The following RORA variants were observed in gnomAD, a reference collection of about 807,000 sequenced individuals.
RORA encodes nuclear receptor ROR-alpha.
RORA carries 7 observed loss-of-function variants against 69.5 expected under a neutral mutation model. The ratio of observed to expected loss-of-function variants is 0.10; its 90% CI spans 0.06 to 0.19. The LOEUF (loss-of-function observed/expected upper bound fraction) is 0.19. Ranked by LOEUF, RORA falls within the 10% of genes least tolerant of loss-of-function variation. RORA has a pLI of 1.00. For synonymous variants in RORA, 261 were observed against 240.8 expected (o/e 1.08, Z -0.78); for missense variants, 457 against 663.0 (o/e 0.69, Z 3.41).
chr15:60,785,028 G>C (rs2072316421), intron 1 of RORA, among the ~76,000 whole-genome samples: 2 of 152,204 alleles, frequency 1.3e-5, no homozygotes, highest in South Asian at 4.1e-4. Flanking sequence ...TCCAGAGGCA[G>C]CTGTCAGCAT....
intron 1 of RORA, among the ~76,000 whole-genome samples, chr15:60,710,967 A>T (rs1438909493): frequency 6.6e-6 from 1 of 152,172 alleles, no homozygotes; most frequent in Non-Finnish European, 1.5e-5. Flanking sequence ...AGGTGGGCAG[A>T]CAAGGCAATG....
At chr15:60,671,615 C>CT (rs550729879) in intron 2 of RORA, among the ~76,000 whole-genome samples, 4 of 151,362 alleles carry the variant, frequency 2.6e-5, no homozygotes, top group Admixed American at 2.0e-4. Context: ...CTGTCTCTCT[C>CT]TTTTTTTTCT....
In RORA at chr15:60,717,769, ATCT is replaced by A. The variant is rs1370344383; in HGVS notation, c.167-39086_167-39084del. Among the ~76,000 whole-genome samples the A allele has an allele frequency of 2.0e-5, 3 of 147,146 alleles. No homozygotes were observed. In the East Asian group the frequency reaches 6.1e-4, roughly 30 times the overall value. On this transcript the variant is annotated intron_variant, in intron 1 of 10. Transcript: ENST00000335670. ...CTGGATAATTGATTAATAAGGTCAC[ATCT>A]TCTTCTTTCTTTTTTCTTTTTCTCT...
chr15:60,898,523 A>AAC (rs1891294221), intron 1 of RORA, among the ~76,000 whole-genome samples: 10 of 131,038 alleles, frequency 7.6e-5, no homozygotes, highest in Admixed American at 3.0e-4. Context: ...AAATAAATAA[A>AAC]TAAATAAATA....
chr15:60,993,644 CAAAAAAAAAA>C (rs3053932), intron 1 of RORA, among the ~76,000 whole-genome samples: 3 of 83,076 alleles, frequency 3.6e-5, no homozygotes, highest in South Asian at 5.4e-4. Context: ...CTCTCCATCT[CAAAAAAAAAA>C]AAAAAAAAAA....
intron 1 of RORA, among the ~76,000 whole-genome samples, chr15:60,783,956 T>A (rs1053650056): frequency 6.6e-6 from 1 of 152,176 alleles, no homozygotes; most frequent in Non-Finnish European, 1.5e-5. Context: ...CCACAATTAG[T>A]TTAACACAAT....
intron 1 of RORA, among the ~76,000 whole-genome samples, chr15:60,910,472 G>A (rs896186807): frequency 1.3e-5 from 2 of 152,200 alleles, no homozygotes; most frequent in African/African-American, 4.8e-5. Context: ...AAATAGAGTA[G>A]AGCATTTTAA....
rs149681233 is a variant in RORA at position 61,025,002 on chromosome 15, T to C, written c.166+204051A>G. 6.4e-3 allele frequency among the ~76,000 whole-genome samples: 976 copies of C among 152,350 alleles called. 20 individuals are homozygous for C. Among genetic ancestry groups the C allele is most frequent in the East Asian group, 0.026 (136 of 5,188 alleles). ...GTTTTGCTTTGGTTTTTGTATTTCA[T>C]GGTTGGGAGCAAGGCAAAAGTGCCC... On this transcript the variant is annotated intron_variant, in intron 1 of 10. Transcript: ENST00000335670.
At chr15:61,014,021 G>A (rs1166847343) in intron 1 of RORA, among the ~76,000 whole-genome samples, 1 of 152,044 alleles carries the variant, frequency 6.6e-6, no homozygotes, top group African/African-American at 2.4e-5. Context: ...CTGACATTGT[G>A]ATCTGCCCGC....
At chr15:60,630,292 A>C (rs1434297958) in intron 2 of RORA, among the ~76,000 whole-genome samples, 2 of 152,386 alleles carry the variant, frequency 1.3e-5, no homozygotes, top group South Asian at 2.1e-4. Context: ...GTCTAGAACT[A>C]GCCCAGTGGG....
chr15:61,023,950 A>C (rs1895668911), intron 1 of RORA, among the ~76,000 whole-genome samples: 1 of 152,180 alleles, frequency 6.6e-6, no homozygotes, highest in African/African-American at 2.4e-5. Context: ...TACTTTGATC[A>C]ACCCCAATTT....
chr15:60,729,415 T>C (rs888908205), intron 1 of RORA, among the ~76,000 whole-genome samples: 3 of 152,082 alleles, frequency 2.0e-5, no homozygotes, highest in African/African-American at 7.2e-5. Context: ...GACAACAGAG[T>C]CAGGAGTCCT....
At chr15:61,077,945 C>T (rs1318858856) in intron 1 of RORA, among the ~76,000 whole-genome samples, 1 of 152,120 alleles carries the variant, frequency 6.6e-6, no homozygotes, top group African/African-American at 2.4e-5. Flanking sequence ...TTCTGTTCTC[C>T]GCATAGTGGC....
At chr15:60,591,720 G>A (rs538325734) in intron 2 of RORA, among the ~76,000 whole-genome samples, 73 of 152,176 alleles carry the variant, frequency 4.8e-4, no homozygotes, top group Admixed American at 1.2e-3. Context: ...CGGCTCCCTG[G>A]GCCGCCCAGA....
At chr15:60,878,601 C>A (rs907817349) in intron 1 of RORA, among the ~76,000 whole-genome samples, 6 of 152,208 alleles carry the variant, frequency 3.9e-5, no homozygotes, top group Admixed American at 3.3e-4. Context: ...GAGGTCACTC[C>A]TGCTCCCCGA....
chr15:61,087,152 G>T (rs1039076492), intron 1 of RORA, among the ~76,000 whole-genome samples: 2 of 152,096 alleles, frequency 1.3e-5, no homozygotes, highest in Non-Finnish European at 2.9e-5. Flanking sequence ...ATAAGACCCT[G>T]TCTCCAAAAC....
At chr15:60,802,113 C>T (rs920160342) in intron 1 of RORA, among the ~76,000 whole-genome samples, 1 of 152,114 alleles carries the variant, frequency 6.6e-6, no homozygotes, top group South Asian at 2.1e-4. Flanking sequence ...AAAACAGGCA[C>T]CACTGTTAAG....
intron 2 of RORA, among the ~76,000 whole-genome samples, chr15:60,623,613 G>A: frequency 6.6e-6 from 1 of 152,128 alleles, no homozygotes; most frequent in East Asian, 1.9e-4. Context: ...AGCACAAGTG[G>A]CCTGGCTCCA....
intron 1 of RORA, among the ~76,000 whole-genome samples, chr15:61,205,500 C>T (rs1466949056): frequency 6.6e-6 from 1 of 152,170 alleles, no homozygotes; most frequent in African/African-American, 2.4e-5. Context: ...ATCAGAGTTT[C>T]GCTTTGTCTA....
Sources: gnomAD v4.1 joint callset for allele counts (sites outside exome capture counted in the v4.1 genomes callset) on GRCh38, gnomAD v4.1.1 for gene constraint, MANE v1.5 for transcripts, NCBI Gene and HGNC (gene_info 2026-07-23, HGNC 2026-07-21) for gene names.